Variants in PEBP4 observed in about 807,000 individuals in gnomAD.
PEBP4 encodes the protein phosphatidylethanolamine-binding protein 4.
In PEBP4, 22 loss-of-function variants were observed where a neutral mutation model predicts 23.9. That is an observed-to-expected ratio of 0.92 (90% CI 0.66 to 1.31). The LOEUF (loss-of-function observed/expected upper bound fraction) is 1.31, where lower values mean the gene tolerates loss of function less well. PEBP4 is among the 40% of genes most tolerant of loss of function. The pLI is 0.00. For synonymous variants in PEBP4, 112 were observed against 99.3 expected, an observed-to-expected ratio of 1.13 and a Z score of -0.76; for missense variants, 324 against 281.7, an observed-to-expected ratio of 1.15 and a Z score of -1.07.
intron 3 of PEBP4, among the ~76,000 whole-genome samples, chr8:22,914,000 T>G (rs1003696501): frequency 6.6e-6 from 1 of 150,860 alleles, no homozygotes; most frequent in Non-Finnish European, 1.5e-5. Context: ...TTTTTTTTTT[T>G]TTTTTGAGAC....
chr8:22,936,555 CA>C (rs1054728814), intron 1 of PEBP4, among the ~76,000 whole-genome samples: 5 of 152,160 alleles, frequency 3.3e-5, no homozygotes, highest in African/African-American at 9.7e-5. Context: ...TCATCCTTCT[CA>C]AACTCTTCCA....
chr8:22,765,617 A>G (rs1480700231), intron 4 of PEBP4, among the ~76,000 whole-genome samples: 1 of 152,248 alleles, frequency 6.6e-6, no homozygotes, highest in Non-Finnish European at 1.5e-5. Context: ...CAACTTTCTC[A>G]TTCTCCTGAT....
rs570298130 is a variant in PEBP4, at chr8:22,845,524, A to G, written c.259-27789T>C. Among the ~76,000 whole-genome samples the G allele has an allele frequency of 7.9e-4, 120 of 152,298 alleles. 1 individual carries two copies. Among genetic ancestry groups the G allele is most frequent in the Admixed American group, 5.9e-3 (91 of 15,298 alleles). On this transcript the variant is annotated intron_variant, in intron 3 of 6. Coordinates refer to ENST00000256404, the MANE Select transcript of PEBP4 (RefSeq NM_144962.3). ...GGCAGCAGAGAGAGACCTGTCTCAA[A>G]AATAAGTGAATAAACCCAGCAGCAC... is the stretch of plus-strand genomic sequence containing the variant.
chr8:22,795,675 G>A (rs1317996912), intron 4 of PEBP4, among the ~76,000 whole-genome samples: 1 of 152,304 alleles, frequency 6.6e-6, no homozygotes, highest in Non-Finnish European at 1.5e-5. Context: ...AGGAGCACAT[G>A]TGAAAATTAA....
intron 4 of PEBP4, chr8:22,757,058 T>C (rs1457358725): frequency 6.6e-6 from 1 of 152,394 alleles, no homozygotes; most frequent in Non-Finnish European, 1.5e-5. Flanking sequence ...AGACAGTTCA[T>C]GGAGAAACAC....
intron 4 of PEBP4, among the ~76,000 whole-genome samples, chr8:22,776,100 A>G: frequency 6.6e-6 from 1 of 151,998 alleles, no homozygotes; most frequent in Non-Finnish European, 1.5e-5. Context: ...CCCCTTCTTC[A>G]TCTCTGCACC....
chr8:22,870,589 G>A (rs1229570327), intron 3 of PEBP4, among the ~76,000 whole-genome samples: 5 of 152,128 alleles, frequency 3.3e-5, no homozygotes, highest in Non-Finnish European at 7.4e-5. Flanking sequence ...ATGGGCGTTG[G>A]GTGAGAATGA....
intron 4 of PEBP4, chr8:22,756,008 G>C (rs980876526): frequency 2.0e-5 from 3 of 152,176 alleles, no homozygotes; most frequent in East Asian, 1.9e-4. Flanking sequence ...CACAACTAAA[G>C]GTGCTCGCTA....
At chr8:22,793,216 A>G (rs914658987) in intron 4 of PEBP4, among the ~76,000 whole-genome samples, 34 of 152,068 alleles carry the variant, frequency 2.2e-4, no homozygotes, top group Admixed American at 5.2e-4. Context: ...TGGCACAATT[A>G]TTTTACTCAT....
intron 3 of PEBP4, among the ~76,000 whole-genome samples, chr8:22,906,963 CGAAG>C (rs1428040595): frequency 5.3e-5 from 8 of 151,994 alleles, no homozygotes; most frequent in African/African-American, 1.9e-4. Flanking sequence ...AAGGTGAACA[CGAAG>C]GAAAGAAGTT....
chr8:22,859,508 C>T (rs1177714203), intron 3 of PEBP4, among the ~76,000 whole-genome samples: 2 of 152,222 alleles, frequency 1.3e-5, no homozygotes, highest in East Asian at 1.9e-4. Flanking sequence ...AGATGAGCCT[C>T]GGGACCTATT....
chr8:22,821,826 A>G (rs1275275427), intron 3 of PEBP4, among the ~76,000 whole-genome samples: 1 of 152,108 alleles, frequency 6.6e-6, no homozygotes, highest in Non-Finnish European at 1.5e-5. Context: ...TCTACTAAAA[A>G]TATAAAAAAT....
At chr8:22,937,335 T>G (rs1490669487) in intron 1 of PEBP4, among the ~76,000 whole-genome samples, 1 of 152,194 alleles carries the variant, frequency 6.6e-6, no homozygotes. Context: ...AAAACAACTC[T>G]GTTTATGATT....
At chr8:22,908,732 A>G (rs527585101) in intron 3 of PEBP4, among the ~76,000 whole-genome samples, 4 of 152,322 alleles carry the variant, frequency 2.6e-5, no homozygotes, top group African/African-American at 9.6e-5. Context: ...ATTCGTACTC[A>G]GGAAGCCTGA....
chr8:22,851,985 A>T (rs1807561480), intron 3 of PEBP4, among the ~76,000 whole-genome samples: 1 of 152,062 alleles, frequency 6.6e-6, no homozygotes, highest in South Asian at 2.1e-4. Flanking sequence ...GCAGGGAAAG[A>T]AATTAATTTT....
chr8:22,790,502 G>C (rs535113984), intron 4 of PEBP4, among the ~76,000 whole-genome samples: 1 of 152,282 alleles, frequency 6.6e-6, no homozygotes, highest in African/African-American at 2.4e-5. Flanking sequence ...TCCCAGACAA[G>C]GCCCCTAAGC....
At chr8:22,853,255 G>A (rs1807582424) in intron 3 of PEBP4, among the ~76,000 whole-genome samples, 1 of 152,162 alleles carries the variant, frequency 6.6e-6, no homozygotes, top group Admixed American at 6.5e-5. Flanking sequence ...GAACCAGTGT[G>A]ACAGATTTCT....
At chr8:22,902,927 G>A (rs769803329) in intron 3 of PEBP4, among the ~76,000 whole-genome samples, 2 of 152,182 alleles carry the variant, frequency 1.3e-5, no homozygotes, top group African/African-American at 2.4e-5. Context: ...GTTCCCACAC[G>A]CTGTAGGGGT....
chr8:22,921,283 G>A (rs1288810158), intron 2 of PEBP4, among the ~76,000 whole-genome samples: 1 of 152,256 alleles, frequency 6.6e-6, no homozygotes, highest in African/African-American at 2.4e-5. Flanking sequence ...TGGGTAGAGA[G>A]TGGGTGTTGC....
Sources: gnomAD v4.1 joint callset for allele counts (sites outside exome capture counted in the v4.1 genomes callset) on GRCh38, gnomAD v4.1.1 for gene constraint, MANE v1.5 for transcripts, NCBI Gene and HGNC (gene_info 2026-07-23, HGNC 2026-07-21) for gene names.